The following RADIL variants were observed in gnomAD, a reference collection of about 807,000 sequenced individuals.
RADIL encodes the protein ras-associating and dilute domain-containing protein.
In RADIL, 99 loss-of-function variants were observed where a neutral mutation model predicts 97.6. The ratio of observed to expected loss-of-function variants is 1.01; its 90% confidence interval spans 0.86 to 1.20. The LOEUF (loss-of-function observed/expected upper bound fraction) is 1.20, where lower values mean the gene tolerates loss of function less well. Ranked by LOEUF, RADIL falls within the 50% of genes most tolerant of loss-of-function variation. RADIL has a pLI of 0.00. For missense variants in RADIL, 1,765 were observed against 1,498.9 expected (o/e 1.18, Z -2.93); for synonymous variants, 803 against 691.8 (o/e 1.16, Z -2.52).
rs1226249859 is a variant in RADIL, at chr7:4,821,370, G to A, written c.1615+1024C>T. ...TTCCCTGGGCCGGCTCCTCACTTCC[G>A]CAGCACAGCAGCACAGTCCTGCTGC... On this transcript the variant is annotated intron_variant, in intron 6 of 14. Coordinates refer to ENST00000399583, the MANE Select transcript of RADIL (RefSeq NM_018059.5). This position sits in a 1 kb window ranked among gnomAD's most constrained non-coding sequence, Gnocchi z 5.2. Among the ~76,000 whole-genome samples the A allele has an allele frequency of 6.6e-6, 1 of 152,156 alleles. No homozygotes were observed. Among genetic ancestry groups the A allele is most frequent in the African/African-American group, 2.4e-5 (1 of 41,442 alleles).
intron 10 of RADIL, chr7:4,804,070 T>C (rs1782209799): frequency 2.5e-6 from 1 of 400,476 alleles, no homozygotes; most frequent in South Asian, 2.3e-5. Context: ...TGGTCTCTGA[T>C]GGTGTCTCCG....
intron 9 of RADIL, among the ~76,000 whole-genome samples, chr7:4,806,351 G>C (rs771402989): frequency 4.1e-4 from 62 of 151,602 alleles, no homozygotes; most frequent in Non-Finnish European, 6.9e-4. Context: ...TTGTAGAGAT[G>C]GAGTTCTCAC....
chr7:4,825,296 C>T (rs193060459), intron 5 of RADIL, among the ~76,000 whole-genome samples: 185 of 152,206 alleles, frequency 1.2e-3, no homozygotes, highest in African/African-American at 4.1e-3. Context: ...GTATCTCCTG[C>T]GGGTGGAGGG....
intron 2 of RADIL, among the ~76,000 whole-genome samples, chr7:4,836,951 A>C (rs1783317348): frequency 6.6e-6 from 1 of 152,102 alleles, no homozygotes; most frequent in Non-Finnish European, 1.5e-5. Context: ...GCCAAAAAAA[A>C]CAGGTAAGTC....
At chr7:4,846,335 C>T (rs570654102) in intron 2 of RADIL, among the ~76,000 whole-genome samples, 16 of 151,626 alleles carry the variant, frequency 1.1e-4, no homozygotes, top group Middle Eastern at 3.4e-3. Context: ...TTAGGAGAGA[C>T]GGGGTTTCAC....
At position 4,817,025 on chromosome 7, in the gene RADIL, T is replaced by C. The variant is rs1329996070; in HGVS notation, c.1728+214A>G. Among the ~76,000 whole-genome samples, 1 of 152,172 alleles carries C rather than the reference T, an allele frequency of 6.6e-6. No individual in the cohort carries two copies. The highest frequency in any genetic ancestry group is 2.4e-5 in the African/African-American group (1 of 41,448). ...GAGGGAAAGGGAGCTGGGATGGTTC[T>C]AGGGCTTCTGTGCGACCTGAGGAGG... On this transcript the variant is annotated intron_variant, in intron 7 of 14. Transcript: ENST00000399583. The surrounding 1 kb of genome is among the most constrained non-coding windows in gnomAD (Gnocchi z 8.3).
intron 2 of RADIL, among the ~76,000 whole-genome samples, chr7:4,856,976 G>C (rs1357389729): frequency 6.6e-6 from 1 of 152,172 alleles, no homozygotes; most frequent in African/African-American, 2.4e-5. Flanking sequence ...TTACTATCTG[G>C]TCCTTAATGC....
At chr7:4,850,900 G>C (rs1420124171) in intron 2 of RADIL, among the ~76,000 whole-genome samples, 1 of 152,170 alleles carries the variant, frequency 6.6e-6, no homozygotes. Context: ...GTAGTTGCAA[G>C]CAATAGAAAA....
Position 4,849,365 on chromosome 7 carries a change from AGAATGAATTAAT to A in RADIL, c.536-12772_536-12761del, listed in dbSNP as rs1783655147. 6.6e-6 allele frequency among the ~76,000 whole-genome samples: 1 copy of A among 152,210 alleles called. No homozygotes were observed. The highest frequency in any genetic ancestry group is 2.1e-4 in the South Asian group (1 of 4,824). ...TGTACATAGTTTTCATTCTACTGCA[AGAATGAATTAAT>A]GAATGAATGAACGTTGATGGGATCA... On this transcript the variant is annotated intron_variant, in intron 2 of 14. Coordinates refer to ENST00000399583, the MANE Select transcript of RADIL (RefSeq NM_018059.5). This position sits in a 1 kb window ranked among gnomAD's most constrained non-coding sequence, Gnocchi z 5.4.
At chr7:4,857,377 G>A (rs6463137) in intron 2 of RADIL, among the ~76,000 whole-genome samples, 28,440 of 152,040 alleles carry the variant, frequency 0.19, 4,171 homozygotes, top group African/African-American at 0.41. Flanking sequence ...TGGTTTTCCC[G>A]TGGAATCTGA....
In RADIL at chr7:4,878,633, G is replaced by T. The variant is rs1190855095; in HGVS notation, c.-64-430C>A. The stretch of plus-strand genomic sequence containing the variant: ...AGAGGATGTGGCTGGAGCCTGCAGG[G>T]CCACCAGAGACCGAGAGGACTAAAC... On this transcript the variant is annotated intron_variant, in intron 1 of 14. Coordinates refer to ENST00000399583, the MANE Select transcript of RADIL (RefSeq NM_018059.5). The surrounding 1 kb of genome is among the most constrained non-coding windows in gnomAD (Gnocchi z 4.1). Among the ~76,000 whole-genome samples, 1 of 152,238 alleles carries T rather than the reference G, an allele frequency of 6.6e-6. No homozygotes were observed. Among genetic ancestry groups the T allele is most frequent in the African/African-American group, 2.4e-5 (1 of 41,470 alleles).
Position 4,867,720 on chromosome 7 carries a change from A to G in RADIL, c.535+9885T>C, listed in dbSNP as rs568589041. ...TCAATCCCACTTAGGTAAATTAAACATATACAAAATATTATTTATGTATTA... is the reference window on the plus strand; with the variant it reads ...TCAATCCCACTTAGGTAAATTAAACGTATACAAAATATTATTTATGTATTA... On this transcript the variant is annotated intron_variant, in intron 2 of 14. Transcript: ENST00000399583. The surrounding 1 kb of genome is among the most constrained non-coding windows in gnomAD (Gnocchi z 4.1). 4.6e-5 allele frequency among the ~76,000 whole-genome samples: 7 copies of G among 152,274 alleles called. No homozygotes were observed. The highest frequency in any genetic ancestry group is 2.1e-4 in the South Asian group (1 of 4,832).
chr7:4,829,870 T>G (rs537227996), intron 5 of RADIL, among the ~76,000 whole-genome samples: 77 of 152,272 alleles, frequency 5.1e-4, no homozygotes, highest in Middle Eastern at 6.8e-3. Flanking sequence ...TAAACCTGTT[T>G]CCTTTATAAA....
chr7:4,868,372 GT>G (rs1345605248), intron 2 of RADIL, among the ~76,000 whole-genome samples: 2 of 152,172 alleles, frequency 1.3e-5, no homozygotes, highest in Non-Finnish European at 2.9e-5. Context: ...ATGAACTGTT[GT>G]TTTTTAAATA....
chr7:4,816,342 C>T lies in RADIL; in HGVS notation c.1852G>A (p.Ala618Thr). Reference protein sequence around the residue: ...ELRRVVSVYQAALDLLRQLQV... With the variant: ...ELRRVVSVYQTALDLLRQLQV... Reference sequence around the variant, plus strand: ...AGCTGCCGCAGGAGGTCCAGGGCTGCCTGGTACACAGACACCACGCGGCGC... The same window carrying T: ...AGCTGCCGCAGGAGGTCCAGGGCTGTCTGGTACACAGACACCACGCGGCGC... The change falls in exon 8 of 15, where the codon GCA becomes ACA. Residue 618 changes from alanine (A) to threonine (T), a missense_variant. Ala to Thr is a moderately conservative substitution (Grantham distance 58). Coordinates refer to ENST00000399583, the MANE Select transcript of RADIL (RefSeq NM_018059.5). The T allele has an allele frequency of 1.2e-6, 2 of 1,612,354 alleles. No homozygotes were observed. Among genetic ancestry groups the T allele is most frequent in the Non-Finnish European group, 1.7e-6 (2 of 1,179,720 alleles).
chr7:4,866,249 G>A (rs1422804349), intron 2 of RADIL, among the ~76,000 whole-genome samples: 2 of 152,046 alleles, frequency 1.3e-5, no homozygotes, highest in Non-Finnish European at 2.9e-5. Flanking sequence ...GGCCTGTCTT[G>A]CCCTCCCAAA....
chr7:4,837,965 G>A lies in RADIL; in HGVS notation c.536-1360C>T, dbSNP rs373648911. The A allele has an allele frequency of 2.2e-5, 22 of 985,268 alleles. No individual in the cohort carries two copies. Among genetic ancestry groups the A allele is most frequent in the South Asian group, 4.7e-5 (1 of 21,298 alleles). 61.0% of individuals were successfully genotyped at this position (985,268 alleles called of 1,614,324 possible). Reference sequence around the variant, plus strand: ...TTCCCAATAAAACCAAACAAAAGCCGGATGGAGGGAGGCGTCAGCTGGCTG... The same window carrying A: ...TTCCCAATAAAACCAAACAAAAGCCAGATGGAGGGAGGCGTCAGCTGGCTG... On this transcript the variant is annotated intron_variant, in intron 2 of 14. Coordinates refer to ENST00000399583, the MANE Select transcript of RADIL (RefSeq NM_018059.5). The surrounding 1 kb of genome is among the most constrained non-coding windows in gnomAD (Gnocchi z 5.6).
At position 4,842,153 on chromosome 7, in the gene RADIL, T is replaced by A. The variant is rs573883491; in HGVS notation, c.536-5548A>T. ...CAGACAGGCCTGCCTGGTCATGAAA[T>A]GTCTGCCTTTGACAATGGGATAGAA... On this transcript the variant is annotated intron_variant, in intron 2 of 14. Transcript: ENST00000399583. The surrounding 1 kb of genome is among the most constrained non-coding windows in gnomAD (Gnocchi z 4.5). 6.6e-6 allele frequency among the ~76,000 whole-genome samples: 1 copy of A among 151,846 alleles called. No homozygotes were observed. The highest frequency in any genetic ancestry group is 6.5e-5 in the Admixed American group (1 of 15,276).
intron 9 of RADIL, among the ~76,000 whole-genome samples, chr7:4,810,475 G>A (rs776370303): frequency 1.3e-5 from 2 of 152,168 alleles, no homozygotes; most frequent in Non-Finnish European, 2.9e-5. Context: ...TCCCAGGAAC[G>A]AGTTTGCTCA....
Sources: gnomAD v4.1 joint callset for allele counts (sites outside exome capture counted in the v4.1 genomes callset) on GRCh38, gnomAD v4.1.1 for gene constraint, Gnocchi (gnomAD v3.1) non-coding constraint, MANE v1.5 for transcripts, NCBI Gene and HGNC (gene_info 2026-07-23, HGNC 2026-07-21) for gene names.